ZSWIM6: variants seen among roughly 807,000 people sequenced by gnomAD.
ZSWIM6 encodes the protein zinc finger SWIM-type containing 6, also known as zinc finger SWIM domain-containing protein 6.
A neutral mutation model predicts 113.2 loss-of-function variants in ZSWIM6; 9 were observed. The ratio of observed to expected loss-of-function variants is 0.08; its 90% CI spans 0.05 to 0.14. The LOEUF is 0.14. Among genes scored for constraint, ZSWIM6 ranks in the 10% least tolerant of loss-of-function variants. The pLI, the probability that ZSWIM6 is intolerant of heterozygous loss-of-function variation, is 1.00. For missense variants in ZSWIM6, 1,162 were observed against 1,552.2 expected (o/e 0.75, Z 4.22); for synonymous variants, 611 against 606.5 (o/e 1.01, Z -0.11).
Position 61,381,654 on chromosome 5 carries a change from A to G in ZSWIM6, c.676+48706A>G, listed in dbSNP as rs565225222. Among the ~76,000 whole-genome samples, 10 of 152,296 alleles carry G rather than the reference A, an allele frequency of 6.6e-5. No individual in the cohort carries two copies. In the East Asian group the frequency reaches 1.4e-3, roughly 21 times the overall value. ...TGGCTATGGAAAACTAACACACAGT[A>G]TATTACCTCTTTGATCATCAGAGTG... On this transcript the variant is annotated intron_variant, in intron 1 of 13. Coordinates refer to ENST00000252744, the MANE Select transcript of ZSWIM6 (RefSeq NM_020928.2).
intron 7 of ZSWIM6, among the ~76,000 whole-genome samples, chr5:61,528,634 C>T (rs1462041225): frequency 6.6e-6 from 1 of 151,290 alleles, no homozygotes; most frequent in Non-Finnish European, 1.5e-5. Context: ...GTCCCCCAGG[C>T]TGGAGTGCAG....
chr5:61,431,648 G>A (rs1473639403), intron 1 of ZSWIM6, among the ~76,000 whole-genome samples: 1 of 108,062 alleles, frequency 9.3e-6, no homozygotes, highest in East Asian at 1.9e-4. Flanking sequence ...GGGAGGCTGA[G>A]GCAGGAGAAT....
At chr5:61,413,938 G>A (rs1196190353) in intron 1 of ZSWIM6, among the ~76,000 whole-genome samples, 2 of 151,928 alleles carry the variant, frequency 1.3e-5, no homozygotes, top group African/African-American at 2.4e-5. Context: ...GGCAGGAGTG[G>A]GGTGGGGGTG....
intron 1 of ZSWIM6, among the ~76,000 whole-genome samples, chr5:61,337,766 A>C (rs1026333039): frequency 8.7e-4 from 133 of 152,346 alleles, no homozygotes; most frequent in African/African-American, 3.1e-3. Context: ...CTACACAAGC[A>C]ATCTTGGAAG....
intron 1 of ZSWIM6, among the ~76,000 whole-genome samples, chr5:61,342,643 T>C (rs962454178): frequency 4.6e-5 from 7 of 152,338 alleles, no homozygotes; most frequent in African/African-American, 1.4e-4. Context: ...CACAGTGGCC[T>C]GGATTTTAAA....
At chr5:61,481,238 C>G (rs941478162) in intron 2 of ZSWIM6, among the ~76,000 whole-genome samples, 5 of 152,126 alleles carry the variant, frequency 3.3e-5, no homozygotes, top group Non-Finnish European at 7.4e-5. Flanking sequence ...GCTCCATGCA[C>G]CAGACACAGC....
chr5:61,463,210 T>C (rs1441890578), intron 1 of ZSWIM6, among the ~76,000 whole-genome samples: 1 of 152,250 alleles, frequency 6.6e-6, no homozygotes, highest in Non-Finnish European at 1.5e-5. Flanking sequence ...ACTATGATAG[T>C]AACAGCTTTT....
At chr5:61,498,960 C>T (rs76371005) in intron 4 of ZSWIM6, among the ~76,000 whole-genome samples, 382 of 152,182 alleles carry the variant, frequency 2.5e-3, no homozygotes, top group African/African-American at 8.7e-3. Context: ...CACCCCCATC[C>T]CTGTTTTGAG....
chr5:61,389,621 T>G (rs1745662786), intron 1 of ZSWIM6, among the ~76,000 whole-genome samples: 1 of 151,558 alleles, frequency 6.6e-6, no homozygotes, highest in East Asian at 1.9e-4. Context: ...CGAGAAAGTC[T>G]TCAGTGATTC....
rs1748157616 is a variant in ZSWIM6, at chr5:61,490,799, A to G, written c.1047A>G (p.Pro349=). Residue 349 remains proline (P), a synonymous_variant, in exon 3 of 14, where the codon CCA becomes CCG. Transcript: ENST00000252744. ...EINQVHGAPD[P]TAGASIDDEN... is the part of the protein sequence containing the mutation. ...TTCTATTTCTAGGTGCTCCTGATCCAACAGCAGGTGCTAGTATAGATGATG... is the reference window on the plus strand; with the variant it reads ...TTCTATTTCTAGGTGCTCCTGATCCGACAGCAGGTGCTAGTATAGATGATG... The G allele has an allele frequency of 1.3e-6, 2 of 1,546,700 alleles. No individual in the cohort carries two copies. The highest frequency in any genetic ancestry group is 2.8e-5 in the African/African-American group (2 of 72,436).
At chr5:61,534,569 C>A (rs1223135467) in intron 9 of ZSWIM6, among the ~76,000 whole-genome samples, 1 of 152,120 alleles carries the variant, frequency 6.6e-6, no homozygotes, top group Non-Finnish European at 1.5e-5. Context: ...CAGATGTTAC[C>A]CGAAGGTAAC....
chr5:61,395,942 C>T (rs1745829569), intron 1 of ZSWIM6, among the ~76,000 whole-genome samples: 1 of 151,708 alleles, frequency 6.6e-6, no homozygotes, highest in African/African-American at 2.4e-5. Context: ...TGATTTAAGG[C>T]ATTCTAAATC....
At chr5:61,384,247 CA>C (rs57899277) in intron 1 of ZSWIM6, among the ~76,000 whole-genome samples, 2,531 of 77,442 alleles carry the variant, frequency 0.033, 27 homozygotes, top group African/African-American at 0.087. Flanking sequence ...GACTCCGTCT[CA>C]AAAAAAAAAA....
chr5:61,376,940 T>TA (rs1745384930), intron 1 of ZSWIM6, among the ~76,000 whole-genome samples: 1 of 151,978 alleles, frequency 6.6e-6, no homozygotes, highest in Non-Finnish European at 1.5e-5. Flanking sequence ...AAAGGCTTCA[T>TA]ATTGAAGCTG....
intron 1 of ZSWIM6, among the ~76,000 whole-genome samples, chr5:61,353,012 C>CT (rs997466586): frequency 6.6e-6 from 1 of 151,968 alleles, no homozygotes; most frequent in Non-Finnish European, 1.5e-5. Flanking sequence ...TCTGCCTGAA[C>CT]TTTTTTTTCC....
At chr5:61,381,077 TGTCTCC>T (rs1745464034) in intron 1 of ZSWIM6, among the ~76,000 whole-genome samples, 1 of 152,010 alleles carries the variant, frequency 6.6e-6, no homozygotes, top group Non-Finnish European at 1.5e-5. Context: ...GTCGAAACCC[TGTCTCC>T]ACTAAAAATA....
intron 11 of ZSWIM6, among the ~76,000 whole-genome samples, chr5:61,539,375 T>C (rs1749668387): frequency 1.3e-5 from 2 of 152,234 alleles, no homozygotes; most frequent in South Asian, 4.1e-4. Context: ...TATCTTTTTT[T>C]GTGAAGCCGA....
chr5:61,522,453 A>G (rs1315593457), intron 5 of ZSWIM6, among the ~76,000 whole-genome samples: 2 of 152,218 alleles, frequency 1.3e-5, no homozygotes, highest in African/African-American at 4.8e-5. Context: ...TACTACTAGA[A>G]ATAACTGGAA....
chr5:61,444,219 T>C (rs1746899214), intron 1 of ZSWIM6, among the ~76,000 whole-genome samples: 1 of 151,422 alleles, frequency 6.6e-6, no homozygotes, highest in Non-Finnish European at 1.5e-5. Context: ...GTCCCTGCGA[T>C]AGTTTGCTGA....
Sources: allele counts gnomAD v4.1 joint callset (sites outside exome capture counted in the v4.1 genomes callset), GRCh38; gene constraint gnomAD v4.1.1; transcripts MANE v1.5; gene names NCBI Gene and HGNC (gene_info 2026-07-23, HGNC 2026-07-21).